CADM2: variants seen among roughly 807,000 people sequenced by gnomAD.
The protein encoded by CADM2 is immunoglobulin superfamily member 4D.
In CADM2, 12 loss-of-function variants were observed where a neutral mutation model predicts 49.8. The ratio of observed to expected loss-of-function variants is 0.24; its 90% CI spans 0.15 to 0.39. The LOEUF (loss-of-function observed/expected upper bound fraction) is 0.39. CADM2 is among the 10% of genes least tolerant of loss of function. The probability of loss-of-function intolerance (pLI) is 1.00; values close to 1 mark genes in which losing one functional copy is unlikely to be tolerated. For synonymous variants in CADM2, 214 were observed against 175.4 expected (o/e 1.22, Z -1.74); for missense variants, 378 against 492.3 (o/e 0.77, Z 2.20).
At position 85,604,259 on chromosome 3, in the gene CADM2, G is replaced by T. The variant is rs1036290670; in HGVS notation, c.62-122263G>T. On this transcript the variant is annotated intron_variant, in intron 1 of 9. Coordinates refer to ENST00000383699, the MANE Select transcript of CADM2 (RefSeq NM_001167675.2). ...TAAATGAAAATATTTACACTGGAGG[G>T]ACTTTGCTCAGAGAGATCAGTAACG... 1.1e-4 allele frequency among the ~76,000 whole-genome samples: 16 copies of T among 151,762 alleles called. 1 individual carries two copies. Among genetic ancestry groups the T allele is most frequent in the Middle Eastern group, 6.3e-3 (2 of 316 alleles).
chr3:85,420,287 C>T (rs1268773155), intron 1 of CADM2, among the ~76,000 whole-genome samples: 1 of 152,200 alleles, frequency 6.6e-6, no homozygotes, highest in Admixed American at 6.5e-5. Context: ...GATGCATCTA[C>T]TTACCCATCT....
intron 1 of CADM2, among the ~76,000 whole-genome samples, chr3:85,618,574 C>G (rs781540512): frequency 7.9e-5 from 12 of 152,030 alleles, no homozygotes; most frequent in Non-Finnish European, 1.6e-4. Flanking sequence ...TTAGTCATAG[C>G]CAAAGGATAA....
chr3:85,224,484 G>A (rs185119090), intron 1 of CADM2, among the ~76,000 whole-genome samples: 167 of 152,098 alleles, frequency 1.1e-3, no homozygotes, highest in South Asian at 2.1e-3. Flanking sequence ...TAAGTTCTTC[G>A]TAGAGTCTGG....
chr3:85,552,615 T>C (rs541173342), intron 1 of CADM2, among the ~76,000 whole-genome samples: 5 of 151,398 alleles, frequency 3.3e-5, no homozygotes, highest in Admixed American at 2.6e-4. Flanking sequence ...CTCCTGACCT[T>C]GTGATCCGCC....
intron 1 of CADM2, among the ~76,000 whole-genome samples, chr3:85,093,565 A>C (rs891359158): frequency 6.6e-6 from 1 of 152,202 alleles, no homozygotes; most frequent in Non-Finnish European, 1.5e-5. Context: ...ATTTCATTAT[A>C]AATTTATATG....
At chr3:85,672,603 A>G (rs2065774846) in intron 1 of CADM2, among the ~76,000 whole-genome samples, 1 of 152,162 alleles carries the variant, frequency 6.6e-6, no homozygotes. Context: ...TTTGGAAGAG[A>G]AAAAATAAAC....
intron 1 of CADM2, among the ~76,000 whole-genome samples, chr3:85,239,103 T>C (rs960840901): frequency 6.6e-6 from 1 of 151,808 alleles, no homozygotes; most frequent in African/African-American, 2.4e-5. Context: ...ATTAATCAGA[T>C]GTGGCCCTTT....
At chr3:85,709,070 ATC>A (rs983844998) in intron 1 of CADM2, among the ~76,000 whole-genome samples, 4 of 152,128 alleles carry the variant, frequency 2.6e-5, no homozygotes, top group African/African-American at 9.7e-5. Context: ...TAGTAATAAA[ATC>A]TGTTTATTAT....
chr3:85,063,336 G>A lies in CADM2; in HGVS notation c.61+103668G>A, dbSNP rs938599435. 1.3e-4 allele frequency among the ~76,000 whole-genome samples: 19 copies of A among 151,862 alleles called. No individual in the cohort carries two copies. In the Middle Eastern group the frequency reaches 0.01, roughly 82 times the overall value. On this transcript the variant is annotated intron_variant, in intron 1 of 9. Transcript: ENST00000383699. ...TTAAATCAATTTCATTCTAAATTGG[G>A]ATATATGTTTCCTGAATTTAATCTC... is the stretch of plus-strand genomic sequence containing the variant.
At chr3:85,835,835 T>C (rs1280833355) in intron 3 of CADM2, among the ~76,000 whole-genome samples, 2 of 150,290 alleles carry the variant, frequency 1.3e-5, no homozygotes, top group Admixed American at 6.7e-5. Context: ...ATATTCCATC[T>C]AGTGTCAGAG....
At chr3:85,376,200 T>A (rs950590472) in intron 1 of CADM2, among the ~76,000 whole-genome samples, 1 of 152,130 alleles carries the variant, frequency 6.6e-6, no homozygotes, top group African/African-American at 2.4e-5. Context: ...CATACACCTC[T>A]CTAAATTACA....
chr3:85,691,020 CTTCT>C (rs1045427714), intron 1 of CADM2, among the ~76,000 whole-genome samples: 1 of 152,094 alleles, frequency 6.6e-6, no homozygotes, highest in African/African-American at 2.4e-5. Context: ...AGATTTATTC[CTTCT>C]ATCTAATTGT....
intron 6 of CADM2, among the ~76,000 whole-genome samples, chr3:85,913,760 G>C (rs935666629): frequency 1.3e-5 from 2 of 152,124 alleles, no homozygotes; most frequent in Non-Finnish European, 2.9e-5. Context: ...ATATTGATAA[G>C]TACTAAGTAC....
intron 2 of CADM2, among the ~76,000 whole-genome samples, chr3:85,788,307 C>T (rs1351841473): frequency 6.6e-6 from 1 of 152,060 alleles, no homozygotes; most frequent in African/African-American, 2.4e-5. Flanking sequence ...TGAAATTATA[C>T]ACTATTAAGT....
intron 8 of CADM2, among the ~76,000 whole-genome samples, chr3:85,995,904 C>A (rs532494371): frequency 1.3e-3 from 197 of 151,706 alleles, no homozygotes; most frequent in Non-Finnish European, 2.1e-3. Flanking sequence ...CCTGGCTAAC[C>A]AGGTGAAACA....
chr3:85,736,260 C>A (rs80262809), intron 2 of CADM2, among the ~76,000 whole-genome samples: 1 of 152,158 alleles, frequency 6.6e-6, no homozygotes, highest in African/African-American at 2.4e-5. Context: ...TGGAAACAAG[C>A]AATGTAACCT....
chr3:85,201,063 T>G (rs940629859), intron 1 of CADM2, among the ~76,000 whole-genome samples: 46 of 152,218 alleles, frequency 3.0e-4, no homozygotes, highest in African/African-American at 1.1e-3. Flanking sequence ...AAGCATCCTC[T>G]TATTCGTCTA....
intron 1 of CADM2, among the ~76,000 whole-genome samples, chr3:85,041,966 C>CA (rs1318280901): frequency 6.6e-6 from 1 of 152,140 alleles, no homozygotes; most frequent in Non-Finnish European, 1.5e-5. Context: ...TATAAAGGAA[C>CA]ATTTGAAGGA....
At chr3:85,874,422 GT>G (rs1436038408) in intron 3 of CADM2, among the ~76,000 whole-genome samples, 1 of 152,114 alleles carries the variant, frequency 6.6e-6, no homozygotes. Flanking sequence ...ATCTACCTTT[GT>G]GTATGCATTT....
Sources: gnomAD v4.1 joint callset for allele counts (sites outside exome capture counted in the v4.1 genomes callset) on GRCh38, gnomAD v4.1.1 for gene constraint, MANE v1.5 for transcripts, NCBI Gene and HGNC (gene_info 2026-07-23, HGNC 2026-07-21) for gene names.